The following WFDC11 variants were observed in gnomAD, a reference collection of about 807,000 sequenced individuals.
WFDC11 encodes protein WFDC11.
In WFDC11, 9 loss-of-function variants were observed where a neutral mutation model predicts 9.9. That is an observed-to-expected ratio of 0.91 (90% CI 0.55 to 1.58). WFDC11 has a LOEUF of 1.58. Among genes scored for constraint, WFDC11 ranks in the 40% most tolerant of loss-of-function variants. The probability of loss-of-function intolerance (pLI) is 0.00; values close to 1 mark genes in which losing one functional copy is unlikely to be tolerated. For synonymous variants in WFDC11, 32 were observed against 33.3 expected, an observed-to-expected ratio of 0.96 and a Z score of 0.13; for missense variants, 106 against 101.7, an observed-to-expected ratio of 1.04 and a Z score of -0.18.
At chr20:45,659,761 T>G (rs1439914444) in intron 2 of WFDC11, among the ~76,000 whole-genome samples, 2 of 152,242 alleles carry the variant, frequency 1.3e-5, no homozygotes, top group Non-Finnish European at 2.9e-5. Context: ...CCATTGCTTT[T>G]GGTGTTTTAG....
chr20:45,649,676 C>G (rs1164639051), intron 3 of WFDC11, among the ~76,000 whole-genome samples: 1 of 152,154 alleles, frequency 6.6e-6, no homozygotes, highest in Non-Finnish European at 1.5e-5. Flanking sequence ...CTCTGAGCAT[C>G]CCAACGATAA....
rs564145447 is a variant in WFDC11, at chr20:45,668,248, T to A, written c.-133-1079A>T. 2.6e-5 allele frequency among the ~76,000 whole-genome samples: 4 copies of A among 152,322 alleles called. No individual in the cohort carries two copies. The South Asian group carries it at 8.3e-4, about 32-fold the overall frequency. ...TAATGGGAAGGGAAATTTCAGGAGC[T>A]GAGCTGACTGTGAGAGGCTCTGAGT... On this transcript the variant is annotated intron_variant, in intron 1 of 4. Coordinates refer to ENST00000324384, the MANE Select transcript of WFDC11 (RefSeq NM_147197.2).
At chr20:45,665,441 T>G (rs912442383) in intron 2 of WFDC11, among the ~76,000 whole-genome samples, 6 of 152,226 alleles carry the variant, frequency 3.9e-5, no homozygotes, top group Non-Finnish European at 8.8e-5. Context: ...TCATTCTCTG[T>G]CCAGCTTTGT....
chr20:45,653,004 C>T (rs1363966001), intron 2 of WFDC11, among the ~76,000 whole-genome samples: 1 of 152,236 alleles, frequency 6.6e-6, no homozygotes, highest in African/African-American at 2.4e-5. Flanking sequence ...GTGGAAAACA[C>T]TCTGCAGGAT....
intron 2 of WFDC11, among the ~76,000 whole-genome samples, chr20:45,660,290 A>G (rs1983027813): frequency 2.0e-5 from 3 of 152,144 alleles, no homozygotes; most frequent in Admixed American, 2.0e-4. Context: ...TCATTCAGGA[A>G]CAGGTTATTT....
chr20:45,664,075 C>G lies in WFDC11; in HGVS notation c.-52+3013G>C, dbSNP rs188326108. Reference sequence around the variant, plus strand: ...TGGGAGTCTAAGTCTCTTTGCAGGTCTCTAAGGACTTGCTTTATGAATCTG... The same window carrying G: ...TGGGAGTCTAAGTCTCTTTGCAGGTGTCTAAGGACTTGCTTTATGAATCTG... On this transcript the variant is annotated intron_variant, in intron 2 of 4. Transcript: ENST00000324384. Among the ~76,000 whole-genome samples the G allele has an allele frequency of 3.0e-3, 457 of 152,224 alleles. 1 individual carries two copies. The highest frequency in any genetic ancestry group is 5.2e-3 in the Non-Finnish European group (354 of 68,014).
At chr20:45,652,886 A>G (rs6124724) in intron 2 of WFDC11, among the ~76,000 whole-genome samples, 28,837 of 152,108 alleles carry the variant, frequency 0.19, 2,974 homozygotes, top group East Asian at 0.32. Context: ...TAGAGAAAAA[A>G]GAATAAAAAC....
At chr20:45,656,080 C>T (rs1236587839) in intron 2 of WFDC11, among the ~76,000 whole-genome samples, 7 of 152,226 alleles carry the variant, frequency 4.6e-5, no homozygotes, top group Non-Finnish European at 7.4e-5. Flanking sequence ...TTGGGAAAAA[C>T]TACTTTAAAG....
chr20:45,662,454 T>C (rs1409237432), intron 2 of WFDC11, among the ~76,000 whole-genome samples: 1 of 152,140 alleles, frequency 6.6e-6, no homozygotes, highest in Non-Finnish European at 1.5e-5. Context: ...TCCAACACTA[T>C]GTTGAGTAGG....
chr20:45,650,395 C>T (rs6065851), intron 3 of WFDC11, 106 bp downstream of exon 3: 137,420 of 832,084 alleles, frequency 0.17, 12,860 homozygotes, highest in East Asian at 0.32. Flanking sequence ...GGTGATACTA[C>T]GAAGGTGGGT....
At position 45,667,159 on chromosome 20, in the gene WFDC11, C is replaced by T. The variant is rs1983203486; in HGVS notation, c.-123G>A. 6.6e-6 allele frequency: 1 copy of T among 152,168 alleles called. No individual in the cohort carries two copies. The highest frequency in any genetic ancestry group is 2.1e-4 in the South Asian group (1 of 4,834). The allele number at this position is 152,168 out of a possible 1,614,324, so 9.4% of individuals were successfully genotyped here. A position where few individuals can be genotyped will look rare whatever the true frequency, so the allele number is the denominator to read the frequency against. On this transcript the variant is annotated 5_prime_UTR_variant, in exon 2 of 5. Transcript: ENST00000324384. The stretch of plus-strand genomic sequence containing the variant: ...GGCTCTTCTTCCTTGCCTCTAGGAA[C>T]CATGGAGCCCCTGCACAGTGAGTAG...
intron 2 of WFDC11, among the ~76,000 whole-genome samples, chr20:45,650,911 AT>A (rs1244906721): frequency 1.3e-5 from 2 of 152,066 alleles, no homozygotes; most frequent in Non-Finnish European, 2.9e-5. Flanking sequence ...TTACAAAAAA[AT>A]TTTTTTAAAT....
intron 2 of WFDC11, among the ~76,000 whole-genome samples, chr20:45,654,174 G>C (rs903494649): frequency 6.6e-6 from 1 of 152,094 alleles, no homozygotes; most frequent in African/African-American, 2.4e-5. Context: ...TGACCACATA[G>C]TTGGAAGTAA....
intron 2 of WFDC11, among the ~76,000 whole-genome samples, chr20:45,663,128 T>C (rs1453891377): frequency 6.6e-6 from 1 of 152,214 alleles, no homozygotes; most frequent in Non-Finnish European, 1.5e-5. Flanking sequence ...GAGATTCAAC[T>C]TCTTCCTGGT....
intron 2 of WFDC11, among the ~76,000 whole-genome samples, chr20:45,658,405 T>A (rs1471755267): frequency 6.6e-6 from 1 of 152,180 alleles, no homozygotes; most frequent in Non-Finnish European, 1.5e-5. Context: ...GTTCAGGGTA[T>A]CTAATTCTTC....
chr20:45,651,247 C>T (rs1464066332), intron 2 of WFDC11, among the ~76,000 whole-genome samples: 1 of 152,116 alleles, frequency 6.6e-6, no homozygotes, highest in Non-Finnish European at 1.5e-5. Flanking sequence ...TATTATACAC[C>T]ATATATATAG....
chr20:45,662,204 A>C (rs946824694), intron 2 of WFDC11, among the ~76,000 whole-genome samples: 10 of 152,108 alleles, frequency 6.6e-5, no homozygotes, highest in African/African-American at 2.2e-4. Context: ...TTCACTCATG[A>C]TTTGGCTCTC....
chr20:45,662,738 G>A (rs183321479), intron 2 of WFDC11, among the ~76,000 whole-genome samples: 3 of 152,332 alleles, frequency 2.0e-5, no homozygotes, highest in Non-Finnish European at 4.4e-5. Flanking sequence ...ATTTGTGAAT[G>A]TTGAACCAGC....
chr20:45,659,856 T>C (rs188845856), intron 2 of WFDC11, among the ~76,000 whole-genome samples: 8 of 152,338 alleles, frequency 5.3e-5, no homozygotes, highest in Admixed American at 3.9e-4. Flanking sequence ...GGTCTTGTGT[T>C]TAAGTCTTTA....
Sources: gnomAD v4.1 joint callset for allele counts (sites outside exome capture counted in the v4.1 genomes callset) on GRCh38, gnomAD v4.1.1 for gene constraint, MANE v1.5 for transcripts, NCBI Gene and HGNC (gene_info 2026-07-23, HGNC 2026-07-21) for gene names.